Variants in HSPG2 observed in about 807,000 individuals in gnomAD.
HSPG2 encodes the protein heparan sulfate proteoglycan 2.
HSPG2 carries 278 observed loss-of-function variants against 526.6 expected under a neutral mutation model. That is an observed-to-expected ratio of 0.53 (90% CI 0.48 to 0.58). The LOEUF (loss-of-function observed/expected upper bound fraction) is 0.58. Ranked by LOEUF, HSPG2 falls within the 20% of genes least tolerant of loss-of-function variation. The probability of loss-of-function intolerance (pLI) is 0.00; values close to 1 mark genes in which losing one functional copy is unlikely to be tolerated. For synonymous variants in HSPG2, 2,465 were observed against 2,555.4 expected, an observed-to-expected ratio of 0.96 and a Z score of 1.07; for missense variants, 5,354 against 6,099.5, an observed-to-expected ratio of 0.88 and a Z score of 4.07.
intron 1 of HSPG2, among the ~76,000 whole-genome samples, chr1:21,912,677 T>C (rs1643739862): frequency 6.6e-6 from 1 of 152,134 alleles, no homozygotes; most frequent in Non-Finnish European, 1.5e-5. Flanking sequence ...CATACCCCCA[T>C]AATGTTGGAT....
intron 33 of HSPG2, among the ~76,000 whole-genome samples, chr1:21,871,319 G>A (rs1262279705): frequency 1.3e-5 from 2 of 148,196 alleles, no homozygotes; most frequent in Non-Finnish European, 3.0e-5. Flanking sequence ...GAGTGCAATG[G>A]TGCAATTATG....
intron 37 of HSPG2, among the ~76,000 whole-genome samples, chr1:21,863,242 G>T (rs1375615878): frequency 8.1e-6 from 1 of 123,992 alleles, no homozygotes; most frequent in Non-Finnish European, 1.7e-5. Flanking sequence ...GTGTGGTAGC[G>T]GGCGCCTGTA....
chr1:21,843,406 C>T lies in HSPG2; in HGVS notation c.8649G>A (p.Val2883=). 6.2e-7 allele frequency: 1 copy of T among 1,613,730 alleles called. No individual in the cohort carries two copies. The highest frequency in any genetic ancestry group is 1.7e-5 in the Admixed American group (1 of 59,970). Residue 2883 remains valine (V), a synonymous_variant, in exon 66 of 97, where the codon GTG becomes GTA. Transcript: ENST00000374695. The stretch of plus-strand genomic sequence containing the variant: ...AGTACTCGCCAGAGTCAGCCGGGGA[C>T]ACCTGGTTCAGCCTCAGCAGTGGGC... The part of the protein sequence containing the change: ...VHGPLLRLNQ[V]SPADSGEYSC...
chr1:21,831,428 GC>G, intron 83 of HSPG2, 34 bp downstream of exon 83: 2 of 1,607,254 alleles, frequency 1.2e-6, no homozygotes, highest in Non-Finnish European at 1.7e-6. Context: ...GCCAGGTAAG[GC>G]CCAGCCTCAG....
chr1:21,872,976 G>A lies in HSPG2; in HGVS notation c.3888+21C>T. On this transcript the variant is annotated intron_variant, in intron 31 of 96. Coordinates refer to ENST00000374695, the MANE Select transcript of HSPG2 (RefSeq NM_005529.7). This position sits in a 1 kb window ranked among gnomAD's most constrained non-coding sequence, Gnocchi z 5.5. ...GCAGCGGGGCAGAGCAGGCCCCGCA[G>A]GGACAGGGATTCGGACTGACCTTGC... is the stretch of plus-strand genomic sequence containing the variant. 1.2e-6 allele frequency: 2 copies of A among 1,605,662 alleles called. No individual in the cohort carries two copies. Among genetic ancestry groups the A allele is most frequent in the Non-Finnish European group, 8.5e-7 (1 of 1,173,554 alleles).
Position 21,865,745 on chromosome 1 carries a change from G to A in HSPG2, c.4286C>T (p.Pro1429Leu), listed in dbSNP as rs1640174585. ...LSYTAGPQGSPLSDPDVQITG... is the reference protein window; with the variant it reads ...LSYTAGPQGSLLSDPDVQITG... ...GATCTGCACATCGGGGTCAGAGAGT[G>A]GGCTGCCCTGTGGGCCTGCTGTGTA... The change falls in exon 34 of 97, where the codon CCA becomes CTA. Residue 1429 changes from proline (P) to leucine (L), a missense_variant. By Grantham distance (98) the Pro-to-Leu change is moderately conservative. Coordinates refer to ENST00000374695, the MANE Select transcript of HSPG2 (RefSeq NM_005529.7). The surrounding 1 kb of genome is among the most constrained non-coding windows in gnomAD (Gnocchi z 5.4). The A allele has an allele frequency of 6.2e-7, 1 of 1,613,884 alleles. No homozygotes were observed. The highest frequency in any genetic ancestry group is 1.7e-5 in the Admixed American group (1 of 60,026).
Position 21,890,660 on chromosome 1 carries a change from G to A in HSPG2, c.279C>T (p.Ser93=), listed in dbSNP as rs757406688. ...CCTCCAGCTGAGGGCTGTACTCGATGGAGCGAGTGAAATTCACCAGGGCTC... is the reference window on the plus strand; with the variant it reads ...CCTCCAGCTGAGGGCTGTACTCGATAGAGCGAGTGAAATTCACCAGGGCTC... ...YFRALVNFTR[S]IEYSPQLEDA... The change falls in exon 4 of 97, where the codon TCC becomes TCT. Residue 93 remains serine, a synonymous_variant. Coordinates refer to ENST00000374695, the MANE Select transcript of HSPG2 (RefSeq NM_005529.7). The surrounding 1 kb of genome is among the most constrained non-coding windows in gnomAD (Gnocchi z 4.1). 1.2e-6 allele frequency: 2 copies of A among 1,613,914 alleles called. No individual in the cohort carries two copies. The highest frequency in any genetic ancestry group is 1.7e-6 in the Non-Finnish European group (2 of 1,179,808).
chr1:21,930,040 A>G (rs543451574), intron 1 of HSPG2, among the ~76,000 whole-genome samples: 4 of 152,084 alleles, frequency 2.6e-5, no homozygotes, highest in Non-Finnish European at 2.9e-5. Flanking sequence ...GGTCCTTCCC[A>G]TGGCCAAAGC....
rs1639160141 is a variant in HSPG2, at chr1:21,854,320, G to A, written c.6312C>T (p.Leu2104=). 9 of 1,572,584 alleles carry A rather than the reference G, an allele frequency of 5.7e-6. No individual in the cohort carries two copies. The highest frequency in any genetic ancestry group is 7.8e-6 in the Non-Finnish European group (9 of 1,158,616). The change falls in exon 50 of 97, where the codon CTC becomes CTT. Residue 2104 remains leucine, a synonymous_variant. Transcript: ENST00000374695. ...CAGAATCAGCTGGTGAGACCTGGGG[G>A]AGCCGCAGACGGGAGCCGTGCACCT... The part of the protein sequence containing the change: ...HTQVHGSRLR[L]PQVSPADSGE...
rs1325285031 is a variant in HSPG2 at position 21,874,972 on chromosome 1, C to T, written c.3333G>A (p.Val1111=). The T allele has an allele frequency of 1.2e-6, 2 of 1,608,626 alleles. No homozygotes were observed. Among genetic ancestry groups the T allele is most frequent in the Non-Finnish European group, 1.7e-6 (2 of 1,177,684 alleles). The change falls in exon 26 of 97, where the codon GTG becomes GTA. Residue 1111 remains valine (V), a synonymous_variant. Transcript: ENST00000374695. The part of the protein sequence containing the change: ...RVSGISMDVA[V]PEETGQDPAL... The stretch of plus-strand genomic sequence containing the variant: ...CGGGGTCCTGGCCGGTTTCCTCGGG[C>T]ACAGCCACGTCCATGCTGATGCCAG...
chr1:21,845,712 G>A (rs191492270), intron 64 of HSPG2, among the ~76,000 whole-genome samples: 209 of 152,224 alleles, frequency 1.4e-3, no homozygotes, highest in Middle Eastern at 6.8e-3. Context: ...TCCAATACTC[G>A]CAGAGGTGCA....
intron 86 of HSPG2, 114 bp downstream of exon 86, chr1:21,829,879 C>G: frequency 1.0e-6 from 1 of 987,550 alleles, no homozygotes; most frequent in Non-Finnish European, 1.6e-6. Flanking sequence ...TCGAGATCCT[C>G]TGGCTTGGGA....
intron 74 of HSPG2, among the ~76,000 whole-genome samples, chr1:21,838,135 CAA>C (rs35291473): frequency 8.0e-5 from 6 of 75,282 alleles, no homozygotes; most frequent in Non-Finnish European, 1.2e-4. Flanking sequence ...GATTCTGTCT[CAA>C]AAAAAAAAAA....
Position 21,843,380 on chromosome 1 carries a change from G to C in HSPG2, c.8675C>G (p.Ser2892Trp). 1 of 1,614,028 alleles carries C rather than the reference G, an allele frequency of 6.2e-7. No individual in the cohort carries two copies. Among genetic ancestry groups the C allele is most frequent in the Non-Finnish European group, 8.5e-7 (1 of 1,179,978 alleles). Residue 2892 changes from serine to tryptophan, a missense_variant, in exon 66 of 97, where the codon TCG becomes TGG. Transcript: ENST00000374695. ...QVSPADSGEY[S>W]CQVTGSSGTL... ...GCCTGAGCTTCCGGTCACTTGGCAC[G>C]AGTACTCGCCAGAGTCAGCCGGGGA... is the stretch of plus-strand genomic sequence containing the variant.
intron 1 of HSPG2, among the ~76,000 whole-genome samples, chr1:21,928,042 T>A (rs1644251682): frequency 6.6e-6 from 1 of 152,192 alleles, no homozygotes; most frequent in East Asian, 1.9e-4. Flanking sequence ...CTGAGCAAGG[T>A]GCATCCACCT....
At chr1:21,934,696 C>T (rs1293360803) in intron 1 of HSPG2, among the ~76,000 whole-genome samples, 3 of 150,158 alleles carry the variant, frequency 2.0e-5, no homozygotes, top group Non-Finnish European at 3.0e-5. Context: ...CCCGGGTTAA[C>T]GCCATTCTCC....
rs1429717066 is a variant in HSPG2, at chr1:21,888,075, G to A, written c.575-9C>T. On this transcript the variant is annotated splice_polypyrimidine_tract_variant and intron_variant, in intron 6 of 96. Transcript: ENST00000374695. Reference sequence around the variant, plus strand: ...TCTTGGGAACTGGGGCACTGCAGGTGGAAAGGAAGCAGACTGGAGTCAGAG... The same window carrying A: ...TCTTGGGAACTGGGGCACTGCAGGTAGAAAGGAAGCAGACTGGAGTCAGAG... The A allele has an allele frequency of 6.2e-7, 1 of 1,613,974 alleles. No homozygotes were observed. Among genetic ancestry groups the A allele is most frequent in the East Asian group, 2.2e-5 (1 of 44,886 alleles).
At chr1:21,882,679 T>C (rs377296134) in intron 13 of HSPG2, among the ~76,000 whole-genome samples, 11 of 152,200 alleles carry the variant, frequency 7.2e-5, no homozygotes, top group African/African-American at 1.4e-4. Context: ...GAATGAATCA[T>C]TGTATTTCAA....
chr1:21,830,328 A>G (rs1171524283), intron 85 of HSPG2: 1 of 565,692 alleles, frequency 1.8e-6, no homozygotes, highest in African/African-American at 1.9e-5. Context: ...GGTTCTTCAG[A>G]GACTGGACAG....
Sources: gnomAD v4.1 joint callset for allele counts (sites outside exome capture counted in the v4.1 genomes callset) on GRCh38, gnomAD v4.1.1 for gene constraint, Gnocchi (gnomAD v3.1) non-coding constraint, MANE v1.5 for transcripts, NCBI Gene and HGNC (gene_info 2026-07-23, HGNC 2026-07-21) for gene names.